The following CLASP2 variants were observed in gnomAD, a reference collection of about 807,000 sequenced individuals.
CLASP2 encodes CLIP-associating protein 2.
In CLASP2, 47 loss-of-function variants were observed where a neutral mutation model predicts 194.4. That is an observed-to-expected ratio of 0.24 (90% CI 0.19 to 0.31). The LOEUF is 0.31. Among genes scored for constraint, CLASP2 ranks in the 10% least tolerant of loss-of-function variants. The pLI, the probability that CLASP2 is intolerant of heterozygous loss-of-function variation, is 1.00. For synonymous variants in CLASP2, 619 were observed against 633.5 expected, an observed-to-expected ratio of 0.98 and a Z score of 0.34; for missense variants, 1,445 against 1,823.6, an observed-to-expected ratio of 0.79 and a Z score of 3.78.
At chr3:33,506,819 G>C (rs1259550636) in intron 37 of CLASP2, among the ~76,000 whole-genome samples, 1 of 151,998 alleles carries the variant, frequency 6.6e-6, no homozygotes, top group African/African-American at 2.4e-5. Context: ...CTATTTCATT[G>C]ATCTATTAAG....
At chr3:33,674,900 C>A (rs1156620948) in intron 6 of CLASP2, among the ~76,000 whole-genome samples, 3 of 152,130 alleles carry the variant, frequency 2.0e-5, no homozygotes, top group African/African-American at 7.2e-5. Flanking sequence ...GAAGTTGAAT[C>A]TCTGAATAGA....
Position 33,718,047 on chromosome 3 carries a change from T to A in CLASP2, c.-45A>T. ...CCTGCCAGTCTGTGAGCGGCCAACT[T>A]TCGCCGAGAGCCGCCCAGCCTCCAG... On this transcript the variant is annotated 5_prime_UTR_variant, in exon 1 of 39. Coordinates refer to ENST00000682230, the MANE Select transcript of CLASP2 (RefSeq NM_001365631.1). The A allele has an allele frequency of 1.4e-6, 2 of 1,441,346 alleles. No individual in the cohort carries two copies. Among genetic ancestry groups the A allele is most frequent in the Non-Finnish European group, 1.8e-6 (2 of 1,105,162 alleles). 89.3% of individuals were successfully genotyped at this position (1,441,346 alleles called of 1,614,324 possible). A position where few individuals can be genotyped will look rare whatever the true frequency, so the allele number is the denominator to read the frequency against.
intron 21 of CLASP2, among the ~76,000 whole-genome samples, chr3:33,585,746 AC>A (rs1332736900): frequency 6.6e-6 from 1 of 152,004 alleles, no homozygotes; most frequent in Non-Finnish European, 1.5e-5. Context: ...TTATAATTTT[AC>A]GGGACTACTG....
chr3:33,649,655 T>C (rs1296217515), intron 7 of CLASP2, among the ~76,000 whole-genome samples: 1 of 152,142 alleles, frequency 6.6e-6, no homozygotes, highest in Non-Finnish European at 1.5e-5. Flanking sequence ...GGGAACAGAA[T>C]TCAAAACCCA....
At chr3:33,716,901 G>A (rs979518805) in intron 1 of CLASP2, among the ~76,000 whole-genome samples, 1 of 152,162 alleles carries the variant, frequency 6.6e-6, no homozygotes, top group Non-Finnish European at 1.5e-5. Flanking sequence ...ATGAGAATAT[G>A]TTACTAAGAA....
intron 6 of CLASP2, among the ~76,000 whole-genome samples, chr3:33,670,091 C>G (rs1354682780): frequency 6.6e-6 from 1 of 152,138 alleles, no homozygotes; most frequent in African/African-American, 2.4e-5. Flanking sequence ...CACATGCACA[C>G]ACATACATAT....
In CLASP2 at chr3:33,511,715, A is replaced by ACTGCTTTTG. The variant is rs1159585890; in HGVS notation, c.4111-952_4111-951insCAAAAGCAG. Among the ~76,000 whole-genome samples, 44 of 136,336 alleles carry ACTGCTTTTG rather than the reference A, an allele frequency of 3.2e-4. 2 individuals carry two copies. Among genetic ancestry groups the ACTGCTTTTG allele is most frequent in the South Asian group, 9.3e-4 (4 of 4,280 alleles). The allele number at this position is 136,336 out of a possible 152,430, so 89.4% of individuals were successfully genotyped here. ...ATAGTCTTAAGAACACGTAAAAATAAAACAAACAACCCCATCAAAAAGTGG... is the reference window on the plus strand; with the variant it reads ...ATAGTCTTAAGAACACGTAAAAATAACTGCTTTTGAACAAACAACCCCATCAAAAAGTGG... On this transcript the variant is annotated intron_variant, in intron 36 of 38. Coordinates refer to ENST00000682230, the MANE Select transcript of CLASP2 (RefSeq NM_001365631.1).
intron 7 of CLASP2, 102 bp from the exon 8 acceptor site, chr3:33,645,005 T>C (rs2082038531): frequency 2.4e-6 from 3 of 1,228,570 alleles, no homozygotes; most frequent in Non-Finnish European, 2.3e-6. Flanking sequence ...ATCATTACTT[T>C]GGTAAGATAT....
In CLASP2 at chr3:33,614,174, T is replaced by C. The variant is rs146256424; in HGVS notation, c.1318-2103A>G. Among the ~76,000 whole-genome samples, 537 of 152,260 alleles carry C rather than the reference T, an allele frequency of 3.5e-3. 4 individuals carry two copies. The highest frequency in any genetic ancestry group is 0.012 in the African/African-American group (486 of 41,556). The stretch of plus-strand genomic sequence containing the variant: ...AATTATTGCATTATTGGTGAGATGA[T>C]AGGCTAGTATAATAACGTGAAAAAT... On this transcript the variant is annotated intron_variant, in intron 12 of 38. Coordinates refer to ENST00000682230, the MANE Select transcript of CLASP2 (RefSeq NM_001365631.1).
chr3:33,660,023 G>A lies in CLASP2; in HGVS notation c.715+3422C>T, dbSNP rs145704735. 2.2e-3 allele frequency among the ~76,000 whole-genome samples: 335 copies of A among 152,284 alleles called. 5 individuals are homozygous for A. The highest frequency in any genetic ancestry group is 7.8e-3 in the African/African-American group (324 of 41,552). On this transcript the variant is annotated intron_variant, in intron 7 of 38. Coordinates refer to ENST00000682230, the MANE Select transcript of CLASP2 (RefSeq NM_001365631.1). The stretch of plus-strand genomic sequence containing the variant: ...TTTCCTAGCAACTGTTTCAAACAGA[G>A]AAGCCAGAAAATACTTTACTAATGA...
At chr3:33,583,456 T>C (rs1223298657) in intron 22 of CLASP2, among the ~76,000 whole-genome samples, 1 of 152,174 alleles carries the variant, frequency 6.6e-6, no homozygotes, top group African/African-American at 2.4e-5. Flanking sequence ...TGGGAAGAAA[T>C]GGGTTCACAG....
intron 21 of CLASP2, among the ~76,000 whole-genome samples, chr3:33,585,597 G>A (rs1223517591): frequency 1.1e-4 from 17 of 152,048 alleles, no homozygotes; most frequent in Non-Finnish European, 2.5e-4. Context: ...ATTTCCAATG[G>A]TTTTTGGGGT....
chr3:33,532,810 C>T (rs1170954875), intron 34 of CLASP2, among the ~76,000 whole-genome samples: 1 of 152,154 alleles, frequency 6.6e-6, no homozygotes, highest in Non-Finnish European at 1.5e-5. Context: ...CTCAAAGGAT[C>T]CTCCTGGCTC....
chr3:33,657,678 T>G (rs762279325), intron 7 of CLASP2, among the ~76,000 whole-genome samples: 20 of 152,038 alleles, frequency 1.3e-4, no homozygotes, highest in Non-Finnish European at 2.5e-4. Flanking sequence ...TAAAAATTGG[T>G]AGTTGAAAAA....
chr3:33,558,754 A>T (rs138457384), intron 29 of CLASP2: 1 of 153,166 alleles, frequency 6.5e-6, no homozygotes, highest in Non-Finnish European at 1.5e-5. Context: ...CTGAGATTAA[A>T]TTTAAAAAAT....
intron 6 of CLASP2, among the ~76,000 whole-genome samples, chr3:33,666,382 C>A (rs1029042667): frequency 6.6e-6 from 1 of 152,190 alleles, no homozygotes; most frequent in Non-Finnish European, 1.5e-5. Context: ...CAGTCCTAGG[C>A]AAACACTAAT....
At chr3:33,523,711 C>A (rs1433514289) in intron 34 of CLASP2, among the ~76,000 whole-genome samples, 3 of 152,058 alleles carry the variant, frequency 2.0e-5, no homozygotes, top group African/African-American at 7.2e-5. Flanking sequence ...ACTGTAACTC[C>A]ATTTTTTGTT....
chr3:33,664,861 AGGCCAAGCAGCGCAGATCACCTGAGC>A (rs2085911535), intron 6 of CLASP2, among the ~76,000 whole-genome samples: 2 of 152,184 alleles, frequency 1.3e-5, no homozygotes, highest in Non-Finnish European at 1.5e-5. Context: ...ACACTTTGGG[AGGCCAAGCAGCGCAGATCACCTGAGC>A]ACAGGAGTTC....
chr3:33,680,090 T>C (rs1204134012), intron 6 of CLASP2, among the ~76,000 whole-genome samples: 2 of 152,194 alleles, frequency 1.3e-5, no homozygotes, highest in African/African-American at 4.8e-5. Flanking sequence ...GGAGAAAACC[T>C]AAAATATGTA....
Sources: gnomAD v4.1 joint callset for allele counts (sites outside exome capture counted in the v4.1 genomes callset) on GRCh38, gnomAD v4.1.1 for gene constraint, MANE v1.5 for transcripts, NCBI Gene and HGNC (gene_info 2026-07-23, HGNC 2026-07-21) for gene names.